The following FNBP1L variants were observed in gnomAD, a reference collection of about 807,000 sequenced individuals.
The protein encoded by FNBP1L is formin-binding protein 1-like.
In FNBP1L, 36 loss-of-function variants were observed where a neutral mutation model predicts 91.2. The observed-to-expected ratio is 0.39, with a 90% CI of 0.30 to 0.52. The LOEUF (loss-of-function observed/expected upper bound fraction) is 0.52. Ranked by LOEUF, FNBP1L falls within the 20% of genes least tolerant of loss-of-function variation. The probability of loss-of-function intolerance (pLI) is 0.66; values close to 1 mark genes in which losing one functional copy is unlikely to be tolerated. For synonymous variants in FNBP1L, 242 were observed against 237.0 expected (o/e 1.02, Z -0.19); for missense variants, 571 against 732.1 (o/e 0.78, Z 2.54).
At chr1:93,550,781 G>C (rs1200481221) in intron 15 of FNBP1L, among the ~76,000 whole-genome samples, 166 bp from the exon 16 acceptor site, 1 of 152,216 alleles carries the variant, frequency 6.6e-6, no homozygotes, top group Non-Finnish European at 1.5e-5. Context: ...GTATATGAAA[G>C]TGCTGGGTAA....
chr1:93,499,980 G>A (rs771910060), intron 2 of FNBP1L, among the ~76,000 whole-genome samples: 14 of 152,166 alleles, frequency 9.2e-5, no homozygotes, highest in Non-Finnish European at 1.5e-4. Context: ...TGGAAATAGA[G>A]TGTGTGCTGA....
chr1:93,486,147 A>G (rs1669890463), intron 1 of FNBP1L, among the ~76,000 whole-genome samples: 1 of 152,242 alleles, frequency 6.6e-6, no homozygotes, highest in Non-Finnish European at 1.5e-5. Flanking sequence ...TGGATTCTGT[A>G]CTTAGAGTTT....
chr1:93,524,444 A>G, intron 5 of FNBP1L, 121 bp downstream of exon 5: 1 of 646,484 alleles, frequency 1.5e-6, no homozygotes, highest in Non-Finnish European at 2.4e-6. Context: ...ATAATTTGAC[A>G]TTGGTATTAT....
intron 13 of FNBP1L, 86 bp downstream of exon 13, chr1:93,547,060 A>C: frequency 2.9e-6 from 4 of 1,361,870 alleles, no homozygotes; most frequent in Non-Finnish European, 3.0e-6. Flanking sequence ...AATTATCTTC[A>C]AATGTTTATA....
At chr1:93,545,943 T>G (rs1452582324) in intron 12 of FNBP1L, among the ~76,000 whole-genome samples, 1 of 152,100 alleles carries the variant, frequency 6.6e-6, no homozygotes, top group African/African-American at 2.4e-5. Context: ...TATGTTGATT[T>G]TTGAAATGTG....
intron 13 of FNBP1L, 21 bp downstream of exon 13, chr1:93,546,995 T>C (rs1672264409): frequency 6.3e-7 from 1 of 1,594,700 alleles, no homozygotes; most frequent in Non-Finnish European, 8.5e-7. Context: ...TATTCAGCAC[T>C]TGTCAAGATA....
intron 16 of FNBP1L, chr1:93,551,937 C>G (rs1173169141): frequency 1.0e-6 from 1 of 986,118 alleles, no homozygotes; most frequent in Non-Finnish European, 1.2e-6. Flanking sequence ...TAGGAAAATA[C>G]ACAGTTACAT....
intron 1 of FNBP1L, among the ~76,000 whole-genome samples, chr1:93,454,952 G>A (rs984974393): frequency 1.0e-4 from 15 of 150,606 alleles, no homozygotes; most frequent in East Asian, 1.9e-4. Context: ...TTTTTGAGAC[G>A]GAGTCTCGCT....
At chr1:93,547,851 A>G (rs575024454) in intron 14 of FNBP1L, among the ~76,000 whole-genome samples, 22 of 152,288 alleles carry the variant, frequency 1.4e-4, no homozygotes, top group Admixed American at 3.3e-4. Context: ...CTTCCAAAAG[A>G]CACTTTGCTA....
intron 2 of FNBP1L, among the ~76,000 whole-genome samples, chr1:93,513,195 T>TAC (rs1670928978): frequency 6.6e-6 from 1 of 151,764 alleles, no homozygotes; most frequent in African/African-American, 2.4e-5. Context: ...CCTCGACACA[T>TAC]ACACTCTCCC....
In FNBP1L at chr1:93,532,013, A is replaced by G. The variant is rs941280144; in HGVS notation, c.640-909A>G. ...GTGAATTTTCAGTTGTGAGGATTCT[A>G]TATGTGCCACTTTGAGCTTGTGACT... is the stretch of plus-strand genomic sequence containing the variant. On this transcript the variant is annotated intron_variant, in intron 7 of 16. Coordinates refer to ENST00000271234, the MANE Select transcript of FNBP1L (RefSeq NM_001164473.3). Among the ~76,000 whole-genome samples, 6 of 152,162 alleles carry G rather than the reference A, an allele frequency of 3.9e-5. No homozygotes were observed. In the South Asian group the frequency reaches 1.2e-3, roughly 32 times the overall value.
chr1:93,529,540 A>G (rs1286763653), intron 5 of FNBP1L, 112 bp from the exon 6 acceptor site: 5 of 626,634 alleles, frequency 8.0e-6, no homozygotes, highest in African/African-American at 7.7e-5. Flanking sequence ...TGCTGCACCC[A>G]TCAACCCGTC....
At chr1:93,549,534 A>G in intron 15 of FNBP1L, 108 bp downstream of exon 15, 2 of 846,848 alleles carry the variant, frequency 2.4e-6, no homozygotes, top group Non-Finnish European at 3.4e-6. Flanking sequence ...TGTTGTCAGA[A>G]AATTATTATC....
Position 93,499,457 on chromosome 1 carries a change from TC to T in FNBP1L, c.25-9del, listed in dbSNP as rs750428849. ...GACTTTTGAAAATGCATTTTTATCT[TC>T]CTTTTCCAGGATCAGTTCGACAGCT... is the stretch of plus-strand genomic sequence containing the variant. On this transcript the variant is annotated splice_polypyrimidine_tract_variant and intron_variant, in intron 1 of 16. Transcript: ENST00000271234. 6.5e-7 allele frequency: 1 copy of T among 1,541,120 alleles called. No individual in the cohort carries two copies. The highest frequency in any genetic ancestry group is 1.2e-5 in the South Asian group (1 of 82,820).
At chr1:93,529,813 A>G in intron 6 of FNBP1L, 57 bp downstream of exon 6, 2 of 1,016,358 alleles carry the variant, frequency 2.0e-6, no homozygotes, top group Non-Finnish European at 2.9e-6. Context: ...GCATAAGGAA[A>G]GTAGTCACGA....
intron 1 of FNBP1L, among the ~76,000 whole-genome samples, chr1:93,485,778 C>T (rs922468206): frequency 2.6e-5 from 4 of 152,134 alleles, no homozygotes; most frequent in Non-Finnish European, 5.9e-5. Flanking sequence ...CTCACTGCAA[C>T]CTCCGCCTCC....
At chr1:93,491,510 C>T (rs1670088967) in intron 1 of FNBP1L, among the ~76,000 whole-genome samples, 1 of 152,128 alleles carries the variant, frequency 6.6e-6, no homozygotes, top group South Asian at 2.1e-4. Context: ...CCATCTCAGC[C>T]TCCCCGGTAG....
chr1:93,535,177 A>G (rs1671804318), intron 9 of FNBP1L, among the ~76,000 whole-genome samples: 1 of 152,132 alleles, frequency 6.6e-6, no homozygotes, highest in Non-Finnish European at 1.5e-5. Flanking sequence ...TTTCATTTGT[A>G]TGTAGTTTCC....
intron 1 of FNBP1L, among the ~76,000 whole-genome samples, chr1:93,482,803 A>T (rs1339013566): frequency 2.6e-5 from 4 of 152,086 alleles, no homozygotes; most frequent in African/African-American, 4.8e-5. Context: ...GTGGATCATG[A>T]GGTCAGGAGA....
Sources: allele counts gnomAD v4.1 joint callset (sites outside exome capture counted in the v4.1 genomes callset), GRCh38; gene constraint gnomAD v4.1.1; transcripts MANE v1.5; gene names NCBI Gene and HGNC (gene_info 2026-07-23, HGNC 2026-07-21).